GALNT17: variants seen among roughly 807,000 people sequenced by gnomAD.
GALNT17 encodes UDP-GalNAc:polypeptide N-acetylgalactosaminyltransferase-like 3.
In GALNT17, 29 loss-of-function variants were observed where a neutral mutation model predicts 63.7. The ratio of observed to expected loss-of-function variants is 0.46; its 90% CI spans 0.34 to 0.62. The LOEUF (loss-of-function observed/expected upper bound fraction) is 0.62. Ranked by LOEUF, GALNT17 falls within the 20% of genes least tolerant of loss-of-function variation. The pLI is 0.01. For synonymous variants in GALNT17, 305 were observed against 318.3 expected (o/e 0.96, Z 0.45); for missense variants, 603 against 799.6 (o/e 0.75, Z 2.97).
intron 5 of GALNT17, among the ~76,000 whole-genome samples, chr7:71,440,782 G>A (rs1471707852): frequency 2.0e-5 from 3 of 152,082 alleles, no homozygotes; most frequent in Non-Finnish European, 4.4e-5. Context: ...ATTATCACTT[G>A]TTCTCAAACC....
At chr7:71,352,841 G>A (rs1042325222) in intron 2 of GALNT17, among the ~76,000 whole-genome samples, 11 of 152,084 alleles carry the variant, frequency 7.2e-5, no homozygotes, top group South Asian at 2.1e-4. Flanking sequence ...AAGAAGTGAC[G>A]TGGAAGCCAG....
intron 6 of GALNT17, among the ~76,000 whole-genome samples, chr7:71,587,028 T>G (rs1789728556): frequency 1.3e-5 from 2 of 152,142 alleles, no homozygotes; most frequent in Admixed American, 6.5e-5. Context: ...ACCTTTTTTG[T>G]TTTTTGTTTT....
intron 6 of GALNT17, among the ~76,000 whole-genome samples, chr7:71,615,208 T>G (rs1052861574): frequency 6.6e-6 from 1 of 152,198 alleles, no homozygotes; most frequent in Non-Finnish European, 1.5e-5. Flanking sequence ...CTAATGTAAC[T>G]GAACAGGCCA....
chr7:71,142,866 G>A (rs147357926), intron 1 of GALNT17, among the ~76,000 whole-genome samples: 397 of 149,800 alleles, frequency 2.7e-3, no homozygotes, highest in African/African-American at 9.3e-3. Flanking sequence ...ACTTGAACTT[G>A]GGAGACGGAG....
chr7:71,692,439 G>A (rs1034985909), intron 9 of GALNT17, among the ~76,000 whole-genome samples: 7 of 152,098 alleles, frequency 4.6e-5, no homozygotes, highest in Non-Finnish European at 8.8e-5. Context: ...AGGACAAGGA[G>A]GGGGACGTAA....
rs540285974 is a variant in GALNT17, at chr7:71,419,013, G to A, written c.765-1895G>A. 3.2e-4 allele frequency among the ~76,000 whole-genome samples: 48 copies of A among 152,258 alleles called. 1 individual carries two copies. Among genetic ancestry groups the A allele is most frequent in the Admixed American group, 7.2e-4 (11 of 15,296 alleles). ...GGAGAATCGCTTGAACCTGGGAGGC[G>A]GAAGTTGCAGTGAGCTGAGATCATG... On this transcript the variant is annotated intron_variant, in intron 4 of 10. Coordinates refer to ENST00000333538, the MANE Select transcript of GALNT17 (RefSeq NM_022479.3).
chr7:71,182,445 C>T (rs1175207130), intron 1 of GALNT17, among the ~76,000 whole-genome samples: 2 of 152,184 alleles, frequency 1.3e-5, no homozygotes, highest in African/African-American at 4.8e-5. Flanking sequence ...TTTTTGAATT[C>T]TGCTGCTTCA....
chr7:71,588,286 T>C (rs1239621866), intron 6 of GALNT17, among the ~76,000 whole-genome samples: 1 of 152,224 alleles, frequency 6.6e-6, no homozygotes, highest in Non-Finnish European at 1.5e-5. Context: ...TCATTTCTTA[T>C]TTGACTTATC....
intron 5 of GALNT17, among the ~76,000 whole-genome samples, chr7:71,447,795 T>C (rs573251299): frequency 1.3e-5 from 2 of 152,336 alleles, no homozygotes; most frequent in African/African-American, 4.8e-5. Flanking sequence ...GTTAACTAAT[T>C]CAGCTACATG....
intron 1 of GALNT17, among the ~76,000 whole-genome samples, chr7:71,245,487 A>G (rs1480902224): frequency 2.0e-5 from 3 of 152,188 alleles, no homozygotes; most frequent in African/African-American, 7.2e-5. Context: ...AGGGGGAGGC[A>G]GGTGGAAAAT....
intron 2 of GALNT17, among the ~76,000 whole-genome samples, chr7:71,335,983 A>ATTC (rs59602104): frequency 0.04 from 5,299 of 133,454 alleles, 195 homozygotes; most frequent in African/African-American, 0.1. Context: ...TTGTATTTTA[A>ATTC]TTCTTCTTCT....
intron 5 of GALNT17, among the ~76,000 whole-genome samples, chr7:71,524,178 C>A (rs896078949): frequency 6.7e-6 from 1 of 148,946 alleles, no homozygotes; most frequent in Non-Finnish European, 1.5e-5. Flanking sequence ...AGTTTTAGTT[C>A]TATTACTATT....
intron 2 of GALNT17, among the ~76,000 whole-genome samples, chr7:71,342,110 T>C (rs1207273101): frequency 3.3e-5 from 5 of 152,228 alleles, no homozygotes; most frequent in Non-Finnish European, 7.3e-5. Flanking sequence ...TATAAAGGAA[T>C]ACCTGAGACT....
At chr7:71,209,487 A>G (rs1017541797) in intron 1 of GALNT17, among the ~76,000 whole-genome samples, 2 of 152,138 alleles carry the variant, frequency 1.3e-5, no homozygotes, top group African/African-American at 4.8e-5. Context: ...TAGTGGTGGC[A>G]TGACACTTTA....
Position 71,259,376 on chromosome 7 carries a change from G to T in GALNT17, c.239-76174G>T, listed in dbSNP as rs187697188. On this transcript the variant is annotated intron_variant, in intron 1 of 10. Transcript: ENST00000333538. The stretch of plus-strand genomic sequence containing the variant: ...AATTATATTCTACTTGAAGGCAAGA[G>T]AAATGGTTTAAGAAATTTGTTAAAG... 2.3e-3 allele frequency among the ~76,000 whole-genome samples: 355 copies of T among 152,306 alleles called. 2 individuals are homozygous for T. Among genetic ancestry groups the T allele is most frequent in the Non-Finnish European group, 2.2e-3 (153 of 68,024 alleles).
intron 6 of GALNT17, among the ~76,000 whole-genome samples, chr7:71,601,762 G>T (rs149782692): frequency 6.6e-6 from 1 of 152,174 alleles, no homozygotes; most frequent in East Asian, 1.9e-4. Context: ...TCCAGCGTGG[G>T]CATCAGAGCA....
intron 1 of GALNT17, among the ~76,000 whole-genome samples, chr7:71,207,777 C>T (rs1318636937): frequency 1.3e-5 from 2 of 152,130 alleles, no homozygotes; most frequent in Non-Finnish European, 2.9e-5. Context: ...CTTGAAGACA[C>T]CTGGAGCTCA....
rs560579441 is a variant in GALNT17, at chr7:71,380,610, C to T, written c.423-7625C>T. 3.9e-5 allele frequency among the ~76,000 whole-genome samples: 6 copies of T among 152,098 alleles called. No homozygotes were observed. The South Asian group carries it at 6.2e-4, about 16-fold the overall frequency. On this transcript the variant is annotated intron_variant, in intron 2 of 10. Coordinates refer to ENST00000333538, the MANE Select transcript of GALNT17 (RefSeq NM_022479.3). ...CTCTGGGATTATAGGCATGAGCCAC[C>T]GCACCAACCCAGTTTTTTTACTTAA...
chr7:71,306,548 G>T (rs1337970027), intron 1 of GALNT17, among the ~76,000 whole-genome samples: 2 of 152,170 alleles, frequency 1.3e-5, no homozygotes, highest in Non-Finnish European at 2.9e-5. Context: ...CATTCAAGTT[G>T]TAGCATGTGT....
Sources: allele counts gnomAD v4.1 joint callset (sites outside exome capture counted in the v4.1 genomes callset), GRCh38; gene constraint gnomAD v4.1.1; transcripts MANE v1.5; gene names NCBI Gene and HGNC (gene_info 2026-07-23, HGNC 2026-07-21).